Variants in NTM observed in about 807,000 individuals in gnomAD.
The protein encoded by NTM is IgLON family member 2.
Under a neutral mutation model 42.1 loss-of-function variants are expected in NTM, and 13 were observed. That is an observed-to-expected ratio of 0.31 (90% CI 0.20 to 0.49). The LOEUF (loss-of-function observed/expected upper bound fraction) is 0.49. Ranked by LOEUF, NTM falls within the 20% of genes least tolerant of loss-of-function variation. The pLI, the probability that NTM is intolerant of heterozygous loss-of-function variation, is 0.99. For missense variants in NTM, 373 were observed against 452.8 expected (o/e 0.82, Z 1.60); for synonymous variants, 187 against 179.2 (o/e 1.04, Z -0.35).
chr11:132,071,858 A>C (rs1375387363), intron 2 of NTM, among the ~76,000 whole-genome samples: 1 of 152,186 alleles, frequency 6.6e-6, no homozygotes, highest in Non-Finnish European at 1.5e-5. Context: ...GTCATCCATC[A>C]GTAGCAATAG....
Position 131,752,896 on chromosome 11 carries a change from T to A in NTM, c.83-158668T>A, listed in dbSNP as rs530394264. 3.7e-3 allele frequency among the ~76,000 whole-genome samples: 569 copies of A among 152,230 alleles called. 7 individuals carry two copies. The highest frequency in any genetic ancestry group is 0.013 in the African/African-American group (539 of 41,526). Reference sequence around the variant, plus strand: ...AAAGACAAAATTGACAAATGGGATCTAATTAAACTAAAGAGCTTCTGCACA... The same window carrying A: ...AAAGACAAAATTGACAAATGGGATCAAATTAAACTAAAGAGCTTCTGCACA... On this transcript the variant is annotated intron_variant, in intron 1 of 8. Transcript: ENST00000683400.
At chr11:131,445,856 A>G (rs1352767069) in intron 1 of NTM, among the ~76,000 whole-genome samples, 1 of 152,184 alleles carries the variant, frequency 6.6e-6, no homozygotes, top group Non-Finnish European at 1.5e-5. Flanking sequence ...GCCACTTATT[A>G]GTTTCTACTG....
intron 1 of NTM, among the ~76,000 whole-genome samples, chr11:131,532,957 C>G (rs918327687): frequency 2.6e-5 from 4 of 151,858 alleles, no homozygotes; most frequent in Non-Finnish European, 4.4e-5. Flanking sequence ...TAAGTTGTGA[C>G]TACCAGGAGA....
chr11:131,414,811 T>C (rs1946773780), intron 1 of NTM, among the ~76,000 whole-genome samples: 1 of 152,360 alleles, frequency 6.6e-6, no homozygotes, highest in Non-Finnish European at 1.5e-5. Context: ...TGCATTTTTC[T>C]AAGTTCTTGC....
chr11:132,319,704 G>C (rs1253109104), intron 7 of NTM, among the ~76,000 whole-genome samples: 1 of 152,246 alleles, frequency 6.6e-6, no homozygotes, highest in East Asian at 1.9e-4. Context: ...GCAGAGCACA[G>C]ACACAAAAGA....
chr11:131,539,217 C>T (rs1437992769), intron 1 of NTM: 2 of 152,332 alleles, frequency 1.3e-5, no homozygotes, highest in Non-Finnish European at 1.5e-5. Flanking sequence ...GGTAGGATTA[C>T]AGGCATAAGC....
intron 1 of NTM, among the ~76,000 whole-genome samples, chr11:131,461,718 T>C (rs190070746): frequency 1.3e-5 from 2 of 152,238 alleles, no homozygotes; most frequent in Admixed American, 1.3e-4. Flanking sequence ...AAAAGATAAC[T>C]CTGAGGCAAT....
chr11:131,490,974 C>T (rs1345188894), intron 1 of NTM, among the ~76,000 whole-genome samples: 1 of 152,182 alleles, frequency 6.6e-6, no homozygotes, highest in Non-Finnish European at 1.5e-5. Flanking sequence ...GCCTACAATG[C>T]AGACACAAGT....
chr11:132,003,345 A>G lies in NTM; in HGVS notation c.167+91697A>G, dbSNP rs141698342. ...ACTGCAGCCTCAACCTCCTGGGCTCAAATGATCCTCACACCTCAGCCTCCC... is the reference window on the plus strand; with the variant it reads ...ACTGCAGCCTCAACCTCCTGGGCTCGAATGATCCTCACACCTCAGCCTCCC... On this transcript the variant is annotated intron_variant, in intron 2 of 8. Transcript: ENST00000683400. The surrounding 1 kb of genome is among the most constrained non-coding windows in gnomAD (Gnocchi z 6.0). Among the ~76,000 whole-genome samples, 699 of 151,910 alleles carry G rather than the reference A, an allele frequency of 4.6e-3. 6 individuals are homozygous for G. Among genetic ancestry groups the G allele is most frequent in the African/African-American group, 0.016 (682 of 41,408 alleles).
chr11:131,441,093 A>G (rs143861600), intron 1 of NTM, among the ~76,000 whole-genome samples: 14 of 152,274 alleles, frequency 9.2e-5, no homozygotes, highest in African/African-American at 2.9e-4. Flanking sequence ...AGGAAGTAGA[A>G]GTTAATCCAG....
At chr11:132,166,006 T>C (rs2075213626) in intron 3 of NTM, among the ~76,000 whole-genome samples, 1 of 152,162 alleles carries the variant, frequency 6.6e-6, no homozygotes, top group Non-Finnish European at 1.5e-5. Flanking sequence ...ATTTAGTAGA[T>C]ATATCAATTA....
chr11:131,501,727 G>A (rs1302889116), intron 1 of NTM, among the ~76,000 whole-genome samples: 1 of 152,184 alleles, frequency 6.6e-6, no homozygotes, highest in African/African-American at 2.4e-5. Context: ...AGTTACAACA[G>A]CATTTGTTGC....
rs1049286205 is a variant in NTM at position 132,065,683 on chromosome 11, A to G, written c.168-80599A>G. On this transcript the variant is annotated intron_variant, in intron 2 of 8. Coordinates refer to ENST00000683400, the MANE Select transcript of NTM (RefSeq NM_001352005.2). ...CCTGGTAGTGGAAAAATGAAAGATG[A>G]TAAATCATGGGTTCTAATCCTGACT... 4.6e-5 allele frequency among the ~76,000 whole-genome samples: 7 copies of G among 152,218 alleles called. 1 individual carries two copies. The highest frequency in any genetic ancestry group is 7.2e-5 in the African/African-American group (3 of 41,466).
intron 2 of NTM, among the ~76,000 whole-genome samples, chr11:132,140,448 T>C (rs12799361): frequency 0.25 from 37,710 of 152,084 alleles, 6,108 homozygotes; most frequent in Non-Finnish European, 0.35. Flanking sequence ...TCTTATGTCA[T>C]GCAAAAATGG....
intron 2 of NTM, among the ~76,000 whole-genome samples, chr11:131,974,263 T>A (rs530292544): frequency 2.6e-5 from 4 of 152,346 alleles, no homozygotes; most frequent in African/African-American, 9.6e-5. Context: ...ACTCCTGAGT[T>A]GTTCAAGGAA....
intron 6 of NTM, 127 bp downstream of exon 6, chr11:132,310,359 G>A: frequency 1.2e-6 from 1 of 862,054 alleles, no homozygotes. Flanking sequence ...CTCTATAGGG[G>A]GCAAATGTGC....
rs2069436197 is a variant in NTM, at chr11:132,002,167, G to A, written c.167+90519G>A. Among the ~76,000 whole-genome samples the A allele has an allele frequency of 6.6e-6, 1 of 152,180 alleles. No individual in the cohort carries two copies. Among genetic ancestry groups the A allele is most frequent in the African/African-American group, 2.4e-5 (1 of 41,444 alleles). The stretch of plus-strand genomic sequence containing the variant: ...AGGCTCTTCAAATGTCCGATTAAAG[G>A]TATTGGACTTTTCTCCATTGGCAAC... On this transcript the variant is annotated intron_variant, in intron 2 of 8. Transcript: ENST00000683400. This position sits in a 1 kb window ranked among gnomAD's most constrained non-coding sequence, Gnocchi z 4.5.
At chr11:131,611,374 G>A (rs1174644254) in intron 1 of NTM, among the ~76,000 whole-genome samples, 1 of 152,172 alleles carries the variant, frequency 6.6e-6, no homozygotes, top group African/African-American at 2.4e-5. Context: ...ACTAATTCCT[G>A]GCTCCTGCAT....
chr11:131,735,621 C>T (rs772970906), intron 1 of NTM, among the ~76,000 whole-genome samples: 1 of 152,202 alleles, frequency 6.6e-6, no homozygotes, highest in Non-Finnish European at 1.5e-5. Flanking sequence ...AGCAAGAATA[C>T]ATCACTGAGT....
Sources: gnomAD v4.1 joint callset for allele counts (sites outside exome capture counted in the v4.1 genomes callset) on GRCh38, gnomAD v4.1.1 for gene constraint, Gnocchi (gnomAD v3.1) non-coding constraint, MANE v1.5 for transcripts, NCBI Gene and HGNC (gene_info 2026-07-23, HGNC 2026-07-21) for gene names.